LEMD3: variants seen among roughly 807,000 people sequenced by gnomAD.
LEMD3 encodes the protein LEM domain containing 3, also known as inner nuclear membrane protein Man1.
Under a neutral mutation model 95.2 loss-of-function variants are expected in LEMD3, and 33 were observed. The ratio of observed to expected loss-of-function variants is 0.35; its 90% confidence interval spans 0.26 to 0.46. The LOEUF (loss-of-function observed/expected upper bound fraction) is 0.46. Ranked by LOEUF, LEMD3 falls within the 20% of genes least tolerant of loss-of-function variation. LEMD3 has a pLI of 1.00. For synonymous variants in LEMD3, 525 were observed against 474.6 expected (o/e 1.11, Z -1.38); for missense variants, 1,210 against 1,192.8 (o/e 1.01, Z -0.21).
chr12:65,231,521 C>CA (rs200218733), intron 4 of LEMD3, among the ~76,000 whole-genome samples: 63 of 148,796 alleles, frequency 4.2e-4, no homozygotes, highest in African/African-American at 1.2e-3. Flanking sequence ...CTTGTCTCTA[C>CA]AAAAAAAAAA....
chr12:65,183,384 G>A (rs1281315164), intron 1 of LEMD3, among the ~76,000 whole-genome samples: 4 of 152,100 alleles, frequency 2.6e-5, no homozygotes, highest in Non-Finnish European at 4.4e-5. Flanking sequence ...TGACTACCCT[G>A]TTGGGTAGTG....
At chr12:65,243,251 C>T in intron 9 of LEMD3, 137 bp from the exon 10 acceptor site, 1 of 663,860 alleles carries the variant, frequency 1.5e-6, no homozygotes, top group East Asian at 2.7e-5. Context: ...GACTGTCTTA[C>T]TCACCTTAAC....
intron 2 of LEMD3, among the ~76,000 whole-genome samples, chr12:65,214,261 C>T (rs183014483): frequency 6.6e-6 from 1 of 152,240 alleles, no homozygotes; most frequent in African/African-American, 2.4e-5. Flanking sequence ...TCCCAAAGTG[C>T]TGAGATTACA....
At chr12:65,188,863 C>T (rs1437484043) in intron 1 of LEMD3, among the ~76,000 whole-genome samples, 2 of 152,066 alleles carry the variant, frequency 1.3e-5, no homozygotes, top group South Asian at 2.1e-4. Flanking sequence ...TGGCTGCAAA[C>T]ATTCATTTAA....
At chr12:65,237,998 G>C (rs1870820303) in intron 4 of LEMD3, among the ~76,000 whole-genome samples, 1 of 152,216 alleles carries the variant, frequency 6.6e-6, no homozygotes, top group African/African-American at 2.4e-5. Context: ...GCCAGGCGCA[G>C]TGGCTCATGA....
chr12:65,239,303 C>T (rs1437154698), intron 6 of LEMD3, among the ~76,000 whole-genome samples: 1 of 151,738 alleles, frequency 6.6e-6, no homozygotes, highest in Non-Finnish European at 1.5e-5. Flanking sequence ...CACCTGTAAT[C>T]CCAGCACTTT....
rs1177832249 is a variant in LEMD3 at position 65,170,174 on chromosome 12, C to G, written c.578C>G (p.Pro193Arg). The change falls in exon 1 of 13, where the codon CCC (proline) becomes CGC (arginine). Residue 193 changes from proline to arginine, a missense_variant. By Grantham distance (103) the Pro-to-Arg change is moderately radical. Coordinates refer to ENST00000308330, the MANE Select transcript of LEMD3 (RefSeq NM_014319.5). ...TNSNSAERRK[P>R]HSWWGARRPA... ...AGCAACTCTGCAGAGCGAAGGAAGC[C>G]CCACTCGTGGTGGGGGGCCAGGAGG... The G allele has an allele frequency of 6.7e-7, 1 of 1,495,060 alleles. No homozygotes were observed. The highest frequency in any genetic ancestry group is 2.3e-5 in the East Asian group (1 of 42,736). The allele number at this position is 1,495,060 out of a possible 1,614,324, so 92.6% of individuals were successfully genotyped here.
chr12:65,180,724 A>G (rs1868875448), intron 1 of LEMD3, among the ~76,000 whole-genome samples: 1 of 152,182 alleles, frequency 6.6e-6, no homozygotes, highest in African/African-American at 2.4e-5. Flanking sequence ...TGCTTTTGCA[A>G]GATGACTTCT....
intron 2 of LEMD3, among the ~76,000 whole-genome samples, chr12:65,211,782 G>A (rs1284952875): frequency 6.6e-6 from 1 of 152,146 alleles, no homozygotes; most frequent in Non-Finnish European, 1.5e-5. Context: ...CTGCTACAGT[G>A]TCATAATTTA....
In LEMD3 at chr12:65,193,142, C is replaced by G. The variant is rs147826724; in HGVS notation, c.1523-17784C>G. 2.0e-4 allele frequency among the ~76,000 whole-genome samples: 30 copies of G among 152,256 alleles called. No homozygotes were observed. In the East Asian group the frequency reaches 4.8e-3, roughly 25 times the overall value. The stretch of plus-strand genomic sequence containing the variant: ...ATACGGCTCTGCAGCAACCTCAGTT[C>G]TTGCCTTCTCAGCAGAAAGAATTCG... On this transcript the variant is annotated intron_variant, in intron 1 of 12. Coordinates refer to ENST00000308330, the MANE Select transcript of LEMD3 (RefSeq NM_014319.5).
At chr12:65,206,055 A>C (rs1199974577) in intron 1 of LEMD3, among the ~76,000 whole-genome samples, 1 of 152,128 alleles carries the variant, frequency 6.6e-6, no homozygotes, top group Non-Finnish European at 1.5e-5. Flanking sequence ...CCATTTTTAG[A>C]TTGGTCTGGA....
In LEMD3 at chr12:65,228,398, A is replaced by AT. The variant is rs1322042852; in HGVS notation, c.1695+9782dup. On this transcript the variant is annotated intron_variant, in intron 4 of 12. Transcript: ENST00000308330. ...TATTATTGTTATTATTTATTTATTT[A>AT]TTTATTTTTTTTTTTGAGGTGGAGT... 1.5e-3 allele frequency among the ~76,000 whole-genome samples: 226 copies of AT among 146,284 alleles called. 2 individuals carry two copies. Among genetic ancestry groups the AT allele is most frequent in the South Asian group, 0.013 (60 of 4,652 alleles).
chr12:65,171,880 C>T (rs900803197), intron 1 of LEMD3: 1 of 152,192 alleles, frequency 6.6e-6, no homozygotes, highest in Non-Finnish European at 1.5e-5. Context: ...ATTTTGTGTT[C>T]TCTGAAGGAA....
At chr12:65,225,980 C>T (rs913329761) in intron 4 of LEMD3, among the ~76,000 whole-genome samples, 28 of 152,224 alleles carry the variant, frequency 1.8e-4, no homozygotes, top group Non-Finnish European at 3.5e-4. Flanking sequence ...GGCAACACTC[C>T]TTGCCCCTGT....
At chr12:65,175,670 G>A (rs1868697619) in intron 1 of LEMD3, among the ~76,000 whole-genome samples, 1 of 151,980 alleles carries the variant, frequency 6.6e-6, no homozygotes, top group Admixed American at 6.6e-5. Flanking sequence ...CTTGATCTTT[G>A]GCTGTCTCCT....
At chr12:65,240,876 G>C (rs1226676324) in intron 8 of LEMD3, 33 bp from the exon 9 acceptor site, 3 of 1,588,386 alleles carry the variant, frequency 1.9e-6, no homozygotes, top group Non-Finnish European at 2.6e-6. Context: ...AAGCCAAGAT[G>C]ATAGTAAATT....
chr12:65,204,150 C>T (rs186919870), intron 1 of LEMD3, among the ~76,000 whole-genome samples: 156 of 151,142 alleles, frequency 1.0e-3, no homozygotes, highest in African/African-American at 3.7e-3. Context: ...TCAATAGCTT[C>T]TAAGAAACTC....
chr12:65,245,029 CAG>C (rs1249663119), intron 10 of LEMD3, among the ~76,000 whole-genome samples: 2 of 152,030 alleles, frequency 1.3e-5, no homozygotes, highest in Non-Finnish European at 2.9e-5. Context: ...AGAAAGAAAA[CAG>C]AAATTACTGT....
Position 65,245,715 on chromosome 12 carries a change from G to A in LEMD3, c.2434G>A (p.Glu812Lys). 1 of 1,613,864 alleles carries A rather than the reference G, an allele frequency of 6.2e-7. No individual in the cohort carries two copies. The highest frequency in any genetic ancestry group is 1.1e-5 in the South Asian group (1 of 91,082). ...TTTGGCAATTCAAGAAGCAATTTTA[G>A]AAAAATGCAGTGATAATGATGGCAT... ...WHLAIQEAIL[E>K]KCSDNDGIVH... The change falls in exon 11 of 13, where the codon GAA becomes AAA. Residue 812 changes from glutamate (E) to lysine (K), a missense_variant. This residue lies in a region of LEMD3 where 461 missense variants were observed against 569.8 expected (regional missense o/e 0.81). Coordinates refer to ENST00000308330, the MANE Select transcript of LEMD3 (RefSeq NM_014319.5).
Sources: gnomAD v4.1 joint callset for allele counts (sites outside exome capture counted in the v4.1 genomes callset) on GRCh38, gnomAD v4.1.1 for gene constraint, gnomAD v4.1.1 regional missense constraint, MANE v1.5 for transcripts, NCBI Gene and HGNC (gene_info 2026-07-23, HGNC 2026-07-21) for gene names.